The following PRPSAP2 variants were observed in gnomAD, a reference collection of about 807,000 sequenced individuals.
The protein encoded by PRPSAP2 is phosphoribosyl pyrophosphate synthetase associated protein 2, also known as phosphoribosyl pyrophosphate synthase-associated protein 2.
A neutral mutation model predicts 40.6 loss-of-function variants in PRPSAP2; 24 were observed. The ratio of observed to expected loss-of-function variants is 0.59; its 90% confidence interval spans 0.43 to 0.83. The LOEUF is 0.83. Among genes scored for constraint, PRPSAP2 ranks in the 40% least tolerant of loss-of-function variants. The pLI, the probability that PRPSAP2 is intolerant of heterozygous loss-of-function variation, is 0.00. For synonymous variants in PRPSAP2, 149 were observed against 164.7 expected (o/e 0.90, Z 0.73); for missense variants, 292 against 465.6 (o/e 0.63, Z 3.43).
At chr17:18,892,907 A>G (rs981163940) in intron 8 of PRPSAP2, among the ~76,000 whole-genome samples, 35 of 150,214 alleles carry the variant, frequency 2.3e-4, no homozygotes, top group African/African-American at 7.6e-4. Flanking sequence ...GCTGTTGAGT[A>G]TATTTTTATG....
At chr17:18,898,006 T>C (rs1475500380) in intron 8 of PRPSAP2, among the ~76,000 whole-genome samples, 1 of 36,746 alleles carries the variant, frequency 2.7e-5, no homozygotes, top group Non-Finnish European at 6.5e-5. Flanking sequence ...TTTTTTTTTT[T>C]TTTTTTTTTT....
chr17:18,926,514 G>A (rs2041986267), intron 10 of PRPSAP2, among the ~76,000 whole-genome samples: 3 of 152,104 alleles, frequency 2.0e-5, no homozygotes, highest in South Asian at 4.1e-4. Context: ...TGATCTGCCC[G>A]CCTTGGCCTC....
At chr17:18,925,871 G>A (rs2041940005) in intron 10 of PRPSAP2, among the ~76,000 whole-genome samples, 1 of 152,166 alleles carries the variant, frequency 6.6e-6, no homozygotes, top group Admixed American at 6.5e-5. Flanking sequence ...CAGCACTTTG[G>A]GAGGCCGAGA....
intron 4 of PRPSAP2, 29 bp downstream of exon 4, chr17:18,867,363 G>T: frequency 6.2e-7 from 1 of 1,610,528 alleles, no homozygotes; most frequent in Admixed American, 1.7e-5. Flanking sequence ...GTGGAACATT[G>T]ACCTTTTTGT....
intron 1 of PRPSAP2, among the ~76,000 whole-genome samples, chr17:18,863,963 A>C (rs1597507665): frequency 6.8e-6 from 1 of 147,332 alleles, no homozygotes; most frequent in Non-Finnish European, 1.5e-5. Context: ...CCTCAGCCTC[A>C]TGAGTAGCTG....
intron 7 of PRPSAP2, among the ~76,000 whole-genome samples, chr17:18,883,662 A>G (rs1431633616): frequency 6.6e-6 from 1 of 152,108 alleles, no homozygotes; most frequent in African/African-American, 2.4e-5. Context: ...CTGGGATTAC[A>G]GGCATGAGCC....
rs1287529417 is a variant in PRPSAP2, at chr17:18,928,833, A to G, written c.827A>G (p.Asp276Gly). Reference sequence around the variant, plus strand: ...CAGGATGACATCATTGATGATGTTGACAGCTTTCTTGCTGCAGCAGAGACC... The same window carrying G: ...CAGGATGACATCATTGATGATGTTGGCAGCTTTCTTGCTGCAGCAGAGACC... ...IIVDDIIDDV[D>G]SFLAAAETLK... Residue 276 changes from aspartate (D) to glycine (G), a missense_variant, in exon 11 of 12, where the codon GAC becomes GGC. By Grantham distance (94) the Asp-to-Gly change is moderately conservative. This residue lies in a region of PRPSAP2 where 241 missense variants were observed against 425.7 expected (regional missense o/e 0.57). Transcript: ENST00000268835. The G allele has an allele frequency of 2.5e-6, 4 of 1,613,852 alleles. No individual in the cohort carries two copies. The highest frequency in any genetic ancestry group is 3.4e-6 in the Non-Finnish European group (4 of 1,179,936).
Position 18,911,740 on chromosome 17 carries a change from A to G in PRPSAP2, c.733+489A>G, listed in dbSNP as rs2040970909. 6.6e-6 allele frequency among the ~76,000 whole-genome samples: 1 copy of G among 152,252 alleles called. No homozygotes were observed. The highest frequency in any genetic ancestry group is 2.1e-4 in the South Asian group (1 of 4,838). The stretch of plus-strand genomic sequence containing the variant: ...GAAACGAGAAAAATATATGGAATAT[A>G]TATGAACAAGGCAGAATATAAGATT... On this transcript the variant is annotated intron_variant, in intron 9 of 11. Transcript: ENST00000268835. The surrounding 1 kb of genome is among the most constrained non-coding windows in gnomAD (Gnocchi z 4.5).
chr17:18,893,478 G>T (rs66488653), intron 8 of PRPSAP2, among the ~76,000 whole-genome samples: 11,808 of 151,988 alleles, frequency 0.078, 550 homozygotes, highest in Middle Eastern at 0.14. Flanking sequence ...CCATTGGCCA[G>T]GTGCAGTGGC....
intron 8 of PRPSAP2, 108 bp from the exon 9 acceptor site, chr17:18,910,995 T>C (rs2040926789): frequency 7.6e-7 from 1 of 1,308,562 alleles, no homozygotes. Flanking sequence ...TCTTTAGTCC[T>C]TTGGGAGACA....
At chr17:18,863,886 C>T (rs1050688244) in intron 1 of PRPSAP2, among the ~76,000 whole-genome samples, 1 of 142,178 alleles carries the variant, frequency 7.0e-6, no homozygotes, top group African/African-American at 2.6e-5. Flanking sequence ...TCTCATTGCC[C>T]AGGTTGGAGT....
At chr17:18,886,105 A>G (rs1376399424) in intron 7 of PRPSAP2, among the ~76,000 whole-genome samples, 1 of 152,110 alleles carries the variant, frequency 6.6e-6, no homozygotes, top group Non-Finnish European at 1.5e-5. Context: ...ATAGATATTC[A>G]TGTTTCACTG....
intron 3 of PRPSAP2, among the ~76,000 whole-genome samples, chr17:18,866,532 C>A (rs950747244): frequency 5.9e-5 from 9 of 152,030 alleles, no homozygotes; most frequent in African/African-American, 2.2e-4. Flanking sequence ...GCACTCCAGC[C>A]TGGGCAACAG....
intron 9 of PRPSAP2, among the ~76,000 whole-genome samples, chr17:18,923,640 A>G (rs1391972714): frequency 6.6e-5 from 10 of 152,144 alleles, no homozygotes. Context: ...TTTCTTGTCT[A>G]ATTACCCTTG....
Position 18,867,299 on chromosome 17 carries a change from T to C in PRPSAP2, c.137T>C (p.Met46Thr), listed in dbSNP as rs376920336. Reference sequence around the variant, plus strand: ...TTCTCTAGGCGGCTAGGGGTGGAGATGGGCAAAGTGCAGGTTTACCAGGAA... The same window carrying C: ...TTCTCTAGGCGGCTAGGGGTGGAGACGGGCAAAGTGCAGGTTTACCAGGAA... ...KKIAERLGVE[M>T]GKVQVYQEPN... The change falls in exon 4 of 12, where the codon ATG becomes ACG. Residue 46 changes from methionine to threonine, a missense_variant. Met to Thr is a moderately conservative substitution (Grantham distance 81, BLOSUM62 -1). This residue lies in a region of PRPSAP2 where 241 missense variants were observed against 425.7 expected (regional missense o/e 0.57). Coordinates refer to ENST00000268835, the MANE Select transcript of PRPSAP2 (RefSeq NM_002767.4). 74 of 1,614,024 alleles carry C rather than the reference T, an allele frequency of 4.6e-5. No homozygotes were observed. The highest frequency in any genetic ancestry group is 6.3e-5 in the Non-Finnish European group (74 of 1,180,036).
At chr17:18,913,735 A>G (rs2041115375) in intron 9 of PRPSAP2, among the ~76,000 whole-genome samples, 1 of 150,540 alleles carries the variant, frequency 6.6e-6, no homozygotes, top group Admixed American at 6.6e-5. Context: ...TTTTGTAGAG[A>G]CAAAGTTTTA....
chr17:18,914,820 G>A (rs1158649024), intron 9 of PRPSAP2, among the ~76,000 whole-genome samples: 1 of 151,712 alleles, frequency 6.6e-6, no homozygotes, highest in East Asian at 1.9e-4. Flanking sequence ...CAGCTCCCGG[G>A]TTCAAGCAAT....
upstream of PRPSAP2, chr17:18,856,438 A>T (rs1302622280): frequency 6.6e-6 from 1 of 152,154 alleles, no homozygotes; most frequent in Non-Finnish European, 1.5e-5. Context: ...TGGTATGCAG[A>T]TAATCACTGG....
At chr17:18,908,495 C>T in intron 8 of PRPSAP2, 2 of 759,866 alleles carry the variant, frequency 2.6e-6, no homozygotes, top group Non-Finnish European at 4.9e-6. Flanking sequence ...CAACGTCAAG[C>T]TCCTGAAACA....
Sources: gnomAD v4.1 joint callset for allele counts (sites outside exome capture counted in the v4.1 genomes callset) on GRCh38, gnomAD v4.1.1 for gene constraint, gnomAD v4.1.1 regional missense constraint, Gnocchi (gnomAD v3.1) non-coding constraint, MANE v1.5 for transcripts, NCBI Gene and HGNC (gene_info 2026-07-23, HGNC 2026-07-21) for gene names.